PIK3R6: variants seen among roughly 807,000 people sequenced by gnomAD.
PIK3R6 encodes the protein phosphoinositide-3-kinase regulatory subunit 6.
In PIK3R6, 91 loss-of-function variants were observed where a neutral mutation model predicts 84.9. That is an observed-to-expected ratio of 1.07 (90% CI 0.90 to 1.28). The LOEUF (loss-of-function observed/expected upper bound fraction) is 1.28, where lower values mean the gene tolerates loss of function less well. Ranked by LOEUF, PIK3R6 falls within the 50% of genes most tolerant of loss-of-function variation. The probability of loss-of-function intolerance (pLI) is 0.00; values close to 1 mark genes in which losing one functional copy is unlikely to be tolerated. For synonymous variants in PIK3R6, 416 were observed against 411.4 expected (o/e 1.01, Z -0.13); for missense variants, 996 against 985.1 (o/e 1.01, Z -0.15).
chr17:8,822,076 C>T (rs1827081166), intron 16 of PIK3R6, 140 bp from the exon 17 acceptor site: 1 of 639,928 alleles, frequency 1.6e-6, no homozygotes, highest in Non-Finnish European at 2.6e-6. Flanking sequence ...TTTTTTGAGC[C>T]AGGGGGTTTC....
At chr17:8,865,221 T>C (rs144018465) in intron 1 of PIK3R6, among the ~76,000 whole-genome samples, 2 of 152,150 alleles carry the variant, frequency 1.3e-5, no homozygotes, top group East Asian at 3.9e-4. Flanking sequence ...ATTCTGAACA[T>C]GAAGATTCCA....
intron 7 of PIK3R6, among the ~76,000 whole-genome samples, chr17:8,836,172 A>G (rs2088457427): frequency 6.6e-6 from 1 of 152,144 alleles, no homozygotes; most frequent in Non-Finnish European, 1.5e-5. Flanking sequence ...CCCCTCCGCT[A>G]TGGCTATTCT....
rs751771789 is a variant in PIK3R6 at position 8,829,722 on chromosome 17, G to A, written c.873C>T (p.Thr291=). ...PSPYITFHLW[T]GEEQLWKELV... is the part of the protein sequence containing the mutation. ...GGCACGTACAGAGCTGCTCCTCACC[G>A]GTCCACAAGTGGAAGGTGATGTAGG... The change falls in exon 10 of 20, where the codon ACC becomes ACT. Residue 291 remains threonine (T), a synonymous_variant. Coordinates refer to ENST00000619866, the MANE Select transcript of PIK3R6 (RefSeq NM_001010855.4). The A allele has an allele frequency of 1.6e-5, 25 of 1,552,940 alleles. No homozygotes were observed. The highest frequency in any genetic ancestry group is 1.7e-4 in the Middle Eastern group (1 of 6,006).
chr17:8,827,304 A>C lies in PIK3R6; in HGVS notation c.1393-10T>G. 2 of 1,550,574 alleles carry C rather than the reference A, an allele frequency of 1.3e-6. No homozygotes were observed. The highest frequency in any genetic ancestry group is 8.7e-7 in the Non-Finnish European group (1 of 1,147,406). ...TGGATGCTGCAGGCTTCTGGGGGAA[A>C]GGGGATGGGGCAGACCCGTCAGGCC... On this transcript the variant is annotated splice_polypyrimidine_tract_variant and intron_variant, in intron 12 of 19. Coordinates refer to ENST00000619866, the MANE Select transcript of PIK3R6 (RefSeq NM_001010855.4).
chr17:8,850,978 T>C (rs996221565), intron 1 of PIK3R6, among the ~76,000 whole-genome samples: 3 of 152,160 alleles, frequency 2.0e-5, no homozygotes, highest in Non-Finnish European at 4.4e-5. Context: ...CTGGCTCAGA[T>C]AGTTCTTCTG....
chr17:8,819,938 T>TATATATATA (rs1189106296), intron 17 of PIK3R6, among the ~76,000 whole-genome samples: 2 of 115,178 alleles, frequency 1.7e-5, no homozygotes, highest in Non-Finnish European at 3.2e-5. Context: ...TATATATATA[T>TATATATATA]TTTTATATAT....
intron 18 of PIK3R6, among the ~76,000 whole-genome samples, chr17:8,812,558 C>A (rs2087390672): frequency 6.6e-6 from 1 of 152,192 alleles, no homozygotes; most frequent in Non-Finnish European, 1.5e-5. Flanking sequence ...CAAGTAACTT[C>A]TCAGACCACA....
Position 8,844,821 on chromosome 17 carries a change from C to T in PIK3R6, c.13+4961G>A, listed in dbSNP as rs2151288283. 6.6e-6 allele frequency among the ~76,000 whole-genome samples: 1 copy of T among 151,970 alleles called. No homozygotes were observed. Among genetic ancestry groups the T allele is most frequent in the Admixed American group, 6.6e-5 (1 of 15,252 alleles). On this transcript the variant is annotated intron_variant, in intron 2 of 19. Transcript: ENST00000619866. The surrounding 1 kb of genome is among the most constrained non-coding windows in gnomAD (Gnocchi z 4.5). ...CTAGTTTTTCAACTCTTGCCCCTTT[C>T]CCTCCCTCCCCATTCTAGTAGCCCC... is the stretch of plus-strand genomic sequence containing the variant.
chr17:8,832,915 A>T lies in PIK3R6; in HGVS notation c.776T>A (p.Leu259Gln), dbSNP rs931178955. Residue 259 changes from leucine (L) to glutamine (Q), a missense_variant, in exon 9 of 20, where the codon CTG becomes CAG. Coordinates refer to ENST00000619866, the MANE Select transcript of PIK3R6 (RefSeq NM_001010855.4). Reference protein sequence around the residue: ...ERLEEIYCSLLGPAAGRCGGD... With the variant: ...ERLEEIYCSLQGPAAGRCGGD... Reference sequence around the variant, plus strand: ...ACCGCAGCGCCCCGCCGCGGGACCCAGCAGCGAGCAGTAAATCTCCTCCAG... The same window carrying T: ...ACCGCAGCGCCCCGCCGCGGGACCCTGCAGCGAGCAGTAAATCTCCTCCAG... The T allele has an allele frequency of 1.2e-6, 2 of 1,612,858 alleles. No homozygotes were observed. The highest frequency in any genetic ancestry group is 1.7e-6 in the Non-Finnish European group (2 of 1,179,730).
In PIK3R6 at chr17:8,836,043, G is replaced by A. The variant is rs369361047; in HGVS notation, c.461+504C>T. Reference sequence around the variant, plus strand: ...GGTGCCTGCAGAAGAGGGAGGTGCCGCTCCCAACTTCATCACCCCTCTCCC... The same window carrying A: ...GGTGCCTGCAGAAGAGGGAGGTGCCACTCCCAACTTCATCACCCCTCTCCC... On this transcript the variant is annotated intron_variant, in intron 7 of 19. Coordinates refer to ENST00000619866, the MANE Select transcript of PIK3R6 (RefSeq NM_001010855.4). Among the ~76,000 whole-genome samples, 20 of 152,236 alleles carry A rather than the reference G, an allele frequency of 1.3e-4. 1 individual carries two copies. The highest frequency in any genetic ancestry group is 4.6e-4 in the Admixed American group (7 of 15,296).
At chr17:8,851,193 C>A (rs1353354155) in intron 1 of PIK3R6, among the ~76,000 whole-genome samples, 16 of 146,536 alleles carry the variant, frequency 1.1e-4, no homozygotes, top group Non-Finnish European at 2.1e-4. Context: ...AAAAAAAAAA[C>A]AAAAACAAAA....
chr17:8,835,159 T>G, intron 8 of PIK3R6, 114 bp downstream of exon 8: 1 of 1,169,574 alleles, frequency 8.6e-7, no homozygotes. Context: ...ATTTTTGATT[T>G]GGGGGAAAAG....
intron 2 of PIK3R6, among the ~76,000 whole-genome samples, chr17:8,846,968 C>T (rs2088829275): frequency 6.6e-6 from 1 of 152,148 alleles, no homozygotes; most frequent in South Asian, 2.1e-4. Flanking sequence ...AGTCTCATTG[C>T]CTGCTTGAAG....
rs2087121170 is a variant in PIK3R6, at chr17:8,803,958, A to AGGCAGGAGAT, written c.2108+73_2108+82dup. On this transcript the variant is annotated intron_variant, in intron 19 of 19. Transcript: ENST00000619866. The surrounding 1 kb of genome is among the most constrained non-coding windows in gnomAD (Gnocchi z 5.0). ...CCTCCGATGAGGTGCCTTGAGCTAG[A>AGGCAGGAGAT]GGCAGGAGATGGCAGGAGCTGGCTC... is the stretch of plus-strand genomic sequence containing the variant. 8.1e-7 allele frequency: 1 copy of AGGCAGGAGAT among 1,232,426 alleles called. No homozygotes were observed. Among genetic ancestry groups the AGGCAGGAGAT allele is most frequent in the South Asian group, 1.3e-5 (1 of 79,174 alleles). The allele number at this position is 1,232,426 out of a possible 1,614,324, so 76.3% of individuals were successfully genotyped here.
chr17:8,808,305 G>A (rs2087259856), intron 18 of PIK3R6, among the ~76,000 whole-genome samples: 1 of 152,176 alleles, frequency 6.6e-6, no homozygotes, highest in Admixed American at 6.5e-5. Flanking sequence ...TGTTATTATA[G>A]CTGTCCCTCC....
chr17:8,840,738 A>G (rs1184679334), intron 2 of PIK3R6, among the ~76,000 whole-genome samples: 1 of 138,852 alleles, frequency 7.2e-6, no homozygotes, highest in African/African-American at 2.7e-5. Context: ...TTTTGCCATT[A>G]TTATTATTAT....
At chr17:8,819,231 T>G in intron 17 of PIK3R6, 33 bp from the exon 18 acceptor site, 1 of 1,480,826 alleles carries the variant, frequency 6.8e-7, no homozygotes, top group Non-Finnish European at 9.3e-7. Flanking sequence ...TAAATGGACC[T>G]CCAGGGAAGT....
chr17:8,819,204 T>C lies in PIK3R6; in HGVS notation c.1880-6A>G. ...GCAATGGCTAGACCCTGAAACTGAA[T>C]GAGATGGGTGGGGCTGTAAATGGAC... On this transcript the variant is annotated splice_polypyrimidine_tract_variant and splice_region_variant and intron_variant, in intron 17 of 19. Transcript: ENST00000619866. 6.3e-7 allele frequency: 1 copy of C among 1,590,326 alleles called. No homozygotes were observed. The highest frequency in any genetic ancestry group is 8.6e-7 in the Non-Finnish European group (1 of 1,164,102).
rs900971314 is a variant in PIK3R6 at position 8,842,228 on chromosome 17, T to C, written c.14-2531A>G. Among the ~76,000 whole-genome samples, 7 of 152,170 alleles carry C rather than the reference T, an allele frequency of 4.6e-5. No individual in the cohort carries two copies. Among genetic ancestry groups the C allele is most frequent in the African/African-American group, 1.2e-4 (5 of 41,422 alleles). Reference sequence around the variant, plus strand: ...TTACCCAGCTGCAGGTATTCCTTTATATTATAGCAATGCAAACAGACTAAG... The same window carrying C: ...TTACCCAGCTGCAGGTATTCCTTTACATTATAGCAATGCAAACAGACTAAG... On this transcript the variant is annotated intron_variant, in intron 2 of 19. Coordinates refer to ENST00000619866, the MANE Select transcript of PIK3R6 (RefSeq NM_001010855.4). The surrounding 1 kb of genome is among the most constrained non-coding windows in gnomAD (Gnocchi z 4.5).
Sources: allele counts gnomAD v4.1 joint callset (sites outside exome capture counted in the v4.1 genomes callset), GRCh38; gene constraint gnomAD v4.1.1; non-coding constraint Gnocchi (gnomAD v3.1); transcripts MANE v1.5; gene names NCBI Gene and HGNC (gene_info 2026-07-23, HGNC 2026-07-21).